C21orf58: variants seen among roughly 807,000 people sequenced by gnomAD.
C21orf58 encodes chromosome 21 open reading frame 58.
In C21orf58, 34 loss-of-function variants were observed where a neutral mutation model predicts 35.8. The ratio of observed to expected loss-of-function variants is 0.95; its 90% confidence interval spans 0.72 to 1.26. C21orf58 has a LOEUF of 1.26. Ranked by LOEUF, C21orf58 falls within the 50% of genes most tolerant of loss-of-function variation. C21orf58 has a pLI of 0.00. For synonymous variants in C21orf58, 191 were observed against 175.8 expected (o/e 1.09, Z -0.68); for missense variants, 440 against 414.3 (o/e 1.06, Z -0.54).
downstream of C21orf58, chr21:46,300,777 G>T (rs911685042): frequency 3.1e-6 from 4 of 1,289,340 alleles, no homozygotes; most frequent in Non-Finnish European, 4.0e-6. Context: ...CGGAACTTCA[G>T]GAATGAAAGA....
At chr21:46,316,268 G>A (rs559595359) in intron 3 of C21orf58, among the ~76,000 whole-genome samples, 193 of 152,120 alleles carry the variant, frequency 1.3e-3, no homozygotes, top group Non-Finnish European at 2.4e-3. Flanking sequence ...CGAGCCTGGC[G>A]AACATGGCAA....
chr21:46,316,623 G>T (rs770586971), intron 3 of C21orf58, among the ~76,000 whole-genome samples: 10 of 152,180 alleles, frequency 6.6e-5, no homozygotes, highest in Admixed American at 4.6e-4. Context: ...CCAGCCCTTG[G>T]GGGGGTCCCC....
chr21:46,319,880 A>T (rs1264425925), intron 1 of C21orf58, among the ~76,000 whole-genome samples: 2 of 152,058 alleles, frequency 1.3e-5, no homozygotes, highest in Admixed American at 6.6e-5. Flanking sequence ...CTGGGCAACA[A>T]GAGCAAAACC....
intron 6 of C21orf58, among the ~76,000 whole-genome samples, 171 bp downstream of exon 6, chr21:46,311,283 CTT>C (rs2082674503): frequency 1.3e-5 from 2 of 152,300 alleles, no homozygotes; most frequent in African/African-American, 4.8e-5. Context: ...TCTTATACCT[CTT>C]GTTTCCTTCC....
At position 46,301,867 on chromosome 21, in the gene C21orf58, C is replaced by T. The variant is rs914529566; in HGVS notation, c.*132G>A. ...AGCTTCCCCAGGAGGAGCCTGCAGT[C>T]CACACTCGCGTAGCCACTCCGGGTG... On this transcript the variant is annotated 3_prime_UTR_variant, in exon 8 of 8. Transcript: ENST00000291691. The T allele has an allele frequency of 1.5e-6, 2 of 1,302,740 alleles. No homozygotes were observed. Among genetic ancestry groups the T allele is most frequent in the Admixed American group, 3.9e-5 (1 of 25,894 alleles). The allele number at this position is 1,302,740 out of a possible 1,614,324, so 80.7% of individuals were successfully genotyped here.
In C21orf58 at chr21:46,301,361, G is replaced by A; in HGVS notation, c.*638C>T. The A allele has an allele frequency of 2.0e-6, 1 of 495,636 alleles. No homozygotes were observed. Among genetic ancestry groups the A allele is most frequent in the South Asian group, 8.7e-5 (1 of 11,490 alleles). 30.7% of individuals were successfully genotyped at this position (495,636 alleles called of 1,614,324 possible). A position where few individuals can be genotyped will look rare whatever the true frequency, so the allele number is the denominator to read the frequency against. On this transcript the variant is annotated 3_prime_UTR_variant, in exon 8 of 8. Transcript: ENST00000291691. ...GGGGTCTTGCTATGTGACCCAGGCTGGTCTCGAATTCCTGAGCTCAAGTGA... is the reference window on the plus strand; with the variant it reads ...GGGGTCTTGCTATGTGACCCAGGCTAGTCTCGAATTCCTGAGCTCAAGTGA...
chr21:46,311,998 T>TCCACCCACCCATCCATCCAC (rs2082742537), intron 5 of C21orf58, among the ~76,000 whole-genome samples: 1 of 40,604 alleles, frequency 2.5e-5, no homozygotes, highest in African/African-American at 1.0e-4. Flanking sequence ...CATCCACCCA[T>TCCACCCACCCATCCATCCAC]CCACCCACCC....
chr21:46,306,175 G>T (rs1363607807), intron 6 of C21orf58, among the ~76,000 whole-genome samples: 5 of 151,938 alleles, frequency 3.3e-5, no homozygotes, highest in Admixed American at 3.3e-4. Flanking sequence ...TAAAATGACT[G>T]TCAATCTAGA....
chr21:46,317,801 T>C (rs2083028752), intron 2 of C21orf58, among the ~76,000 whole-genome samples: 1 of 152,238 alleles, frequency 6.6e-6, no homozygotes, highest in Admixed American at 6.5e-5. Context: ...CTGTGCTCAG[T>C]GGCCTGCGAG....
At chr21:46,310,156 A>G (rs536159623) in intron 6 of C21orf58, among the ~76,000 whole-genome samples, 23 of 152,242 alleles carry the variant, frequency 1.5e-4, no homozygotes, top group Admixed American at 4.6e-4. Context: ...GATTGTAGTG[A>G]TATAAGTATA....
chr21:46,322,691 C>T lies in C21orf58; in HGVS notation c.48G>A (p.Lys16=), dbSNP rs1236152607. 2.5e-6 allele frequency: 4 copies of T among 1,579,528 alleles called. No homozygotes were observed. Among genetic ancestry groups the T allele is most frequent in the African/African-American group, 1.4e-5 (1 of 73,946 alleles). ...LPATSLRKPW[K]LDRQKLPSPD... ...GAGAAGGAAGTTTCTGGCGGTCGAG[C>T]TTCCACGGCTTCCTGAGGGAGGTTG... is the stretch of plus-strand genomic sequence containing the variant. The change falls in exon 1 of 8, where the codon AAG becomes AAA. Residue 16 remains lysine (K), a synonymous_variant. Transcript: ENST00000291691.
chr21:46,313,018 C>T lies in C21orf58; in HGVS notation c.610-1451G>A, dbSNP rs796591061. 12 of 985,308 alleles carry T rather than the reference C, an allele frequency of 1.2e-5. No homozygotes were observed. The East Asian group carries it at 4.5e-4, about 37-fold the overall frequency. The allele number at this position is 985,308 out of a possible 1,614,324, so 61.0% of individuals were successfully genotyped here. ...TCCTCTTCTAGCTGTGTGAGGCTGC[C>T]TGGCCTTGTCCCTTCTTCCTCAGTT... On this transcript the variant is annotated intron_variant, in intron 5 of 7. Transcript: ENST00000291691.
intron 6 of C21orf58, among the ~76,000 whole-genome samples, chr21:46,308,330 A>T (rs1308387134): frequency 1.3e-5 from 2 of 151,900 alleles, no homozygotes; most frequent in African/African-American, 4.8e-5. Context: ...GCGTGGTGGC[A>T]CATGCCTGTA....
Position 46,302,578 on chromosome 21 carries a change from T to C in C21orf58, c.722-2A>G. ...GCAGCAGCAGCAGCTCCACCATGTC[T>C]GCAGGGAAGAAGCAGGGGGACCCTG... is the stretch of plus-strand genomic sequence containing the variant. On this transcript the variant is annotated splice_acceptor_variant, in intron 6 of 7. Transcript: ENST00000291691. LOFTEE classifies it high-confidence loss of function. 1.9e-6 allele frequency: 3 copies of C among 1,610,012 alleles called. No homozygotes were observed. The highest frequency in any genetic ancestry group is 1.7e-6 in the Non-Finnish European group (2 of 1,177,982).
intron 6 of C21orf58, among the ~76,000 whole-genome samples, chr21:46,309,461 C>CAA (rs1231165345): frequency 1.6e-4 from 14 of 90,320 alleles, no homozygotes; most frequent in African/African-American, 2.6e-4. Context: ...GACTCCGTCT[C>CAA]AAAAAAAAAA....
intron 6 of C21orf58, among the ~76,000 whole-genome samples, chr21:46,302,802 G>A (rs2082177812): frequency 3.2e-5 from 1 of 31,540 alleles, no homozygotes; most frequent in Admixed American, 3.0e-4. Context: ...GTCTGCACAC[G>A]GTGCGGGTCC....
intron 5 of C21orf58, chr21:46,313,058 C>G: frequency 1.0e-6 from 1 of 985,394 alleles, no homozygotes; most frequent in African/African-American, 1.7e-5. Context: ...GAAAGGACGG[C>G]AGAGACCAAG....
At chr21:46,300,726 C>G, downstream of C21orf58, 2 of 1,288,550 alleles carry the variant, frequency 1.6e-6, no homozygotes, top group Non-Finnish European at 2.0e-6. Flanking sequence ...TACCTGCAAA[C>G]TTTCAAAGAT....
At chr21:46,310,435 C>T (rs977609239) in intron 6 of C21orf58, among the ~76,000 whole-genome samples, 4 of 149,450 alleles carry the variant, frequency 2.7e-5, no homozygotes, top group Admixed American at 6.7e-5. Flanking sequence ...GCCAAGATGG[C>T]GCCATTGCAC....
Sources: allele counts gnomAD v4.1 joint callset (sites outside exome capture counted in the v4.1 genomes callset), GRCh38; gene constraint gnomAD v4.1.1; transcripts MANE v1.5; gene names NCBI Gene and HGNC (gene_info 2026-07-23, HGNC 2026-07-21).